The following DCAF8L2 variants were observed in gnomAD, a reference collection of about 807,000 sequenced individuals.
DCAF8L2 encodes the protein DDB1 and CUL4 associated factor 8 like 2, also known as DDB1- and CUL4-associated factor 8-like protein 2.
For synonymous variants in DCAF8L2, 200 were observed against 190.9 expected, an observed-to-expected ratio of 1.05 and a Z score of -0.39; for missense variants, 430 against 490.7, an observed-to-expected ratio of 0.88 and a Z score of 1.17.
intron 1 of DCAF8L2, among the ~76,000 whole-genome samples, chrX:27,620,190 C>A (rs1927688568): frequency 9.0e-6 from 1 of 111,648 alleles, no homozygotes; most frequent in Admixed American, 9.5e-5. Flanking sequence ...CAGACACTCT[C>A]ATATCTTGCT....
chrX:27,709,285 T>C (rs1287411736), intron 3 of DCAF8L2, among the ~76,000 whole-genome samples: 2 of 112,833 alleles, frequency 1.8e-5, no homozygotes, highest in Non-Finnish European at 3.7e-5. Flanking sequence ...TTCTCTTCAC[T>C]GGACCTTAAA....
intron 2 of DCAF8L2, among the ~76,000 whole-genome samples, chrX:27,656,493 A>T (rs754363526): frequency 9.0e-6 from 1 of 111,500 alleles, no homozygotes; most frequent in South Asian, 3.8e-4. Flanking sequence ...TTTGCTGCAT[A>T]AAAAAACTAC....
chrX:27,564,321 C>T, the DCAF8L2 span, among the ~76,000 whole-genome samples: 2 of 111,194 alleles, frequency 1.8e-5, no homozygotes, highest in African/African-American at 6.6e-5. Flanking sequence ...GGATCCCTCC[C>T]ACAACACGTG....
rs935929914 is a variant in DCAF8L2, at chrX:27,602,245, G to C, written c.-342+11805G>C. Among the ~76,000 whole-genome samples, 65 of 110,705 alleles carry C rather than the reference G, an allele frequency of 5.9e-4. 1 individual carries two copies. Among genetic ancestry groups the C allele is most frequent in the African/African-American group, 2.1e-3 (64 of 30,377 alleles). ...AGACGGGGTTTCTCCATATTGGTCA[G>C]GCTGGTCTTGAACTCCCGACCTCAG... On this transcript the variant is annotated intron_variant, in intron 1 of 4. Transcript: ENST00000451261.
At chrX:27,533,172 A>AGAGAGAGAGAG in the DCAF8L2 span, among the ~76,000 whole-genome samples, 1 of 13,318 alleles carries the variant, frequency 7.5e-5, no homozygotes, top group East Asian at 0.011. Context: ...GAGAGAAAGA[A>AGAGAGAGAGAG]AGAAAGAAAG....
chrX:27,484,481 C>T, the DCAF8L2 span, among the ~76,000 whole-genome samples: 2 of 110,220 alleles, frequency 1.8e-5, no homozygotes, highest in South Asian at 7.7e-4. Context: ...AATTCCTCAT[C>T]CCTAAGTTGA....
chrX:27,614,006 G>A (rs1422871875), intron 1 of DCAF8L2, among the ~76,000 whole-genome samples: 2 of 111,246 alleles, frequency 1.8e-5, no homozygotes, highest in Non-Finnish European at 3.8e-5. Context: ...TCTATTGTTT[G>A]GAAAAGTTTC....
chrX:27,632,353 T>G (rs913458417), intron 2 of DCAF8L2: 3 of 111,399 alleles, frequency 2.7e-5, no homozygotes, highest in South Asian at 3.8e-4. Flanking sequence ...ATGGTCCATT[T>G]AAAACAGAAA....
At chrX:27,679,091 A>G (rs1930238999) in intron 3 of DCAF8L2, among the ~76,000 whole-genome samples, 1 of 111,845 alleles carries the variant, frequency 8.9e-6, no homozygotes, top group African/African-American at 3.3e-5. Context: ...GGATGGCTAG[A>G]AATGTGAGAG....
the DCAF8L2 span, among the ~76,000 whole-genome samples, chrX:27,567,781 A>G: frequency 9.2e-6 from 1 of 108,218 alleles, no homozygotes; most frequent in Non-Finnish European, 1.9e-5. Flanking sequence ...AGAGTGTATT[A>G]GTGATTTCAA....
chrX:27,485,662 C>T, the DCAF8L2 span, among the ~76,000 whole-genome samples: 1 of 111,273 alleles, frequency 9.0e-6, no homozygotes, highest in African/African-American at 3.3e-5. Context: ...TTAGCTTAAT[C>T]TTTCTACACG....
the DCAF8L2 span, among the ~76,000 whole-genome samples, chrX:27,500,294 G>A: frequency 3.6e-5 from 4 of 111,763 alleles, no homozygotes; most frequent in Non-Finnish European, 5.6e-5. Flanking sequence ...GCAATCAAGG[G>A]AAGCATCAAT....
At chrX:27,553,118 T>A in the DCAF8L2 span, among the ~76,000 whole-genome samples, 1 of 112,207 alleles carries the variant, frequency 8.9e-6, no homozygotes, top group Admixed American at 9.5e-5. Context: ...TGATTTTATG[T>A]CCTGCAACTT....
rs759509987 is a variant in DCAF8L2 at position 27,748,313 on chromosome X, A to G, written c.1418A>G (p.Lys473Arg). Residue 473 changes from lysine to arginine, a missense_variant, in exon 5 of 5, where the codon AAA becomes AGA. Physicochemically the swap from Lys to Arg is conservative, Grantham distance 26. Coordinates refer to ENST00000451261, the MANE Select transcript of DCAF8L2 (RefSeq NM_001353450.2). Reference protein sequence around the residue: ...FKGHRNNTTVKGVNFYGPRSE... With the variant: ...FKGHRNNTTVRGVNFYGPRSE... ...GGACACAGAAATAATACCACAGTCA[A>G]AGGTGTTAATTTCTATGGCCCCAGG... The G allele has an allele frequency of 2.4e-5, 29 of 1,210,443 alleles. No individual in the cohort carries two copies. Among genetic ancestry groups the G allele is most frequent in the Non-Finnish European group, 3.1e-5 (28 of 894,593 alleles).
chrX:27,491,048 C>T, the DCAF8L2 span, among the ~76,000 whole-genome samples: 1 of 112,111 alleles, frequency 8.9e-6, no homozygotes, highest in Non-Finnish European at 1.9e-5. Flanking sequence ...TATTTTTTCC[C>T]CTGAATTTCT....
At chrX:27,705,690 T>G (rs1383956888) in intron 3 of DCAF8L2, among the ~76,000 whole-genome samples, 4 of 111,991 alleles carry the variant, frequency 3.6e-5, no homozygotes, top group Non-Finnish European at 1.9e-5. Context: ...GATAGTTGAC[T>G]TTTATCAAAT....
chrX:27,521,424 A>G, the DCAF8L2 span, among the ~76,000 whole-genome samples: 4 of 112,283 alleles, frequency 3.6e-5, no homozygotes, highest in Non-Finnish European at 7.5e-5. Context: ...CTTCCAAGCT[A>G]TTTCATTCTC....
chrX:27,690,448 C>A (rs1040732240), intron 3 of DCAF8L2, among the ~76,000 whole-genome samples: 2 of 111,303 alleles, frequency 1.8e-5, no homozygotes, highest in Non-Finnish European at 3.8e-5. Context: ...AATTTTTTCT[C>A]AGACAAATAC....
chrX:27,732,746 T>C (rs1258440967), intron 4 of DCAF8L2, among the ~76,000 whole-genome samples: 2 of 111,453 alleles, frequency 1.8e-5, no homozygotes, highest in Non-Finnish European at 3.8e-5. Context: ...AGAAAAGGGA[T>C]TGCTGGGTCA....
Sources: allele counts gnomAD v4.1 joint callset (sites outside exome capture counted in the v4.1 genomes callset), GRCh38; gene constraint gnomAD v4.1.1; transcripts MANE v1.5; gene names NCBI Gene and HGNC (gene_info 2026-07-23, HGNC 2026-07-21).